The following VWA3A variants were observed in gnomAD, a reference collection of about 807,000 sequenced individuals.
The protein encoded by VWA3A is von Willebrand factor A domain containing 3A, also known as von Willebrand factor A domain-containing protein 3A.
VWA3A carries 134 observed loss-of-function variants against 160.4 expected under a neutral mutation model. The ratio of observed to expected loss-of-function variants is 0.84; its 90% confidence interval spans 0.73 to 0.96. The LOEUF (loss-of-function observed/expected upper bound fraction) is 0.96. Ranked by LOEUF, VWA3A falls within the 40% of genes least tolerant of loss-of-function variation. The pLI is 0.00. For missense variants in VWA3A, 1,310 were observed against 1,447.9 expected (o/e 0.90, Z 1.55); for synonymous variants, 476 against 543.4 (o/e 0.88, Z 1.72).
chr16:22,122,387 G>A (rs979648527), intron 14 of VWA3A, among the ~76,000 whole-genome samples: 1 of 151,480 alleles, frequency 6.6e-6, no homozygotes, highest in Admixed American at 6.6e-5. Flanking sequence ...GAAAATGGAA[G>A]GATAGATGAC....
chr16:22,130,898 A>G (rs1255019785), intron 17 of VWA3A, among the ~76,000 whole-genome samples: 1 of 151,418 alleles, frequency 6.6e-6, no homozygotes. Context: ...TATAGTATGG[A>G]TAGGGAGGGG....
intron 6 of VWA3A, among the ~76,000 whole-genome samples, chr16:22,105,717 A>G (rs950411495): frequency 1.3e-5 from 2 of 152,226 alleles, no homozygotes; most frequent in Admixed American, 6.5e-5. Flanking sequence ...TATGGAATAA[A>G]TGTCTAGAAC....
intron 1 of VWA3A, among the ~76,000 whole-genome samples, chr16:22,093,989 ACT>A (rs1901440936): frequency 6.7e-6 from 1 of 149,286 alleles, no homozygotes; most frequent in Non-Finnish European, 1.5e-5. Context: ...TGGCTAGGCT[ACT>A]CTCAAACTCC....
Position 22,122,968 on chromosome 16 carries a change from C to T in VWA3A, c.1357-117C>T, listed in dbSNP as rs553121887. 3.6e-5 allele frequency: 29 copies of T among 803,184 alleles called. No homozygotes were observed. The Middle Eastern group carries it at 9.1e-4, about 25-fold the overall frequency. The allele number at this position is 803,184 out of a possible 1,614,324, so 49.8% of individuals were successfully genotyped here. On this transcript the variant is annotated intron_variant, in intron 14 of 33. Transcript: ENST00000389398. ...TGTGGGAGGGAGTTCGATCCGACCT[C>T]AAATGTGTTCAGAGTCCACTTCACT...
intron 22 of VWA3A, among the ~76,000 whole-genome samples, 193 bp from the exon 23 acceptor site, chr16:22,139,961 A>AT (rs769996114): frequency 1.3e-5 from 2 of 152,102 alleles, no homozygotes; most frequent in Non-Finnish European, 2.9e-5. Context: ...GTACACACCC[A>AT]TACTTTTTCA....
At chr16:22,148,976 G>A (rs546528631) in intron 28 of VWA3A, among the ~76,000 whole-genome samples, 2 of 152,182 alleles carry the variant, frequency 1.3e-5, no homozygotes, top group East Asian at 3.9e-4. Flanking sequence ...ATCCAGAAGG[G>A]TTGACCCGAA....
intron 30 of VWA3A, among the ~76,000 whole-genome samples, chr16:22,151,660 C>T (rs1253681607): frequency 2.6e-5 from 4 of 151,866 alleles, no homozygotes; most frequent in Admixed American, 6.6e-5. Flanking sequence ...TCACTTGAGG[C>T]CAGGAGTTCG....
chr16:22,121,464 C>A, intron 13 of VWA3A, 50 bp from the exon 14 acceptor site: 2 of 1,434,686 alleles, frequency 1.4e-6, no homozygotes, highest in Non-Finnish European at 2.0e-6. Flanking sequence ...AAGGCTTGAA[C>A]CCTTTGGAGC....
chr16:22,116,728 G>T (rs1416768027), intron 9 of VWA3A, 31 bp from the exon 10 acceptor site: 3 of 1,555,550 alleles, frequency 1.9e-6, no homozygotes, highest in Non-Finnish European at 2.7e-6. Flanking sequence ...TCTGACCTGG[G>T]ATTTCCACTT....
At position 22,134,444 on chromosome 16, in the gene VWA3A, C is replaced by A; in HGVS notation, c.2139+6C>A. 6.3e-7 allele frequency: 1 copy of A among 1,584,134 alleles called. No individual in the cohort carries two copies. The highest frequency in any genetic ancestry group is 1.2e-5 in the South Asian group (1 of 86,412). On this transcript the variant is annotated splice_donor_region_variant and intron_variant, in intron 21 of 33. Coordinates refer to ENST00000389398, the MANE Select transcript of VWA3A (RefSeq NM_173615.5). The stretch of plus-strand genomic sequence containing the variant: ...CTCTCAACTACTCCCAAAAGGTATG[C>A]CCTGGGCATGGGCCAATGACTGCAC...
At position 22,113,363 on chromosome 16, in the gene VWA3A, C is replaced by CTTTTTTTTTTTTTTTTTTTTTTTTT. The variant is rs569069206; in HGVS notation, c.690-1975_690-1951dup. ...TGCTCCACAATGCCTGGCTAATTTT[C>CTTTTTTTTTTTTTTTTTTTTTTTTT]TTTTTTTTTTTTTTTTTTTTTTTTT... On this transcript the variant is annotated intron_variant, in intron 8 of 33. Transcript: ENST00000389398. Among the ~76,000 whole-genome samples the CTTTTTTTTTTTTTTTTTTTTTTTTT allele has an allele frequency of 4.3e-4, 20 of 46,260 alleles. 3 individuals carry two copies. Among genetic ancestry groups the CTTTTTTTTTTTTTTTTTTTTTTTTT allele is most frequent in the East Asian group, 2.5e-3 (2 of 794 alleles). 30.3% of individuals were successfully genotyped at this position (46,260 alleles called of 152,430 possible).
Position 22,121,590 on chromosome 16 carries a change from GA to G in VWA3A, c.1333del (p.Thr445GlnfsTer11). The part of the protein sequence containing the change: ...PVEEFVPILQ[K>X]TVSSTIHEKA... Reference sequence around the variant, plus strand: ...TGGAGGAATTTGTACCTATTCTCCAGAAAACAGTATCATCGACCATCCATGA... The same window carrying G: ...TGGAGGAATTTGTACCTATTCTCCAGAAACAGTATCATCGACCATCCATGA... On this transcript the variant is annotated frameshift_variant, in exon 14 of 34. Transcript: ENST00000389398. LOFTEE classifies it high-confidence loss of function. 6.2e-7 allele frequency: 1 copy of G among 1,613,328 alleles called. No homozygotes were observed.
At chr16:22,136,162 A>T (rs898848427) in intron 21 of VWA3A, among the ~76,000 whole-genome samples, 1 of 152,174 alleles carries the variant, frequency 6.6e-6, no homozygotes. Flanking sequence ...ACAATGAGAG[A>T]GGTAGCTAGG....
Position 22,125,379 on chromosome 16 carries a change from G to A in VWA3A, c.1533-799G>A, listed in dbSNP as rs191608691. Among the ~76,000 whole-genome samples, 28 of 151,056 alleles carry A rather than the reference G, an allele frequency of 1.9e-4. No individual in the cohort carries two copies. The East Asian group carries it at 3.7e-3, about 20-fold the overall frequency. On this transcript the variant is annotated intron_variant, in intron 16 of 33. Coordinates refer to ENST00000389398, the MANE Select transcript of VWA3A (RefSeq NM_173615.5). Reference sequence around the variant, plus strand: ...CCAGCCTGGGCAACAGAGAGAGACCGTCTAAATATATATATATTTGTTGTG... The same window carrying A: ...CCAGCCTGGGCAACAGAGAGAGACCATCTAAATATATATATATTTGTTGTG...
chr16:22,096,800 C>T, intron 1 of VWA3A, 59 bp from the exon 2 acceptor site: 1 of 1,164,438 alleles, frequency 8.6e-7, no homozygotes, highest in Non-Finnish European at 1.2e-6. Flanking sequence ...AGATACCCCC[C>T]AAAACTATTG....
intron 31 of VWA3A, among the ~76,000 whole-genome samples, chr16:22,153,913 A>AT (rs979210684): frequency 1.1e-4 from 16 of 151,208 alleles, no homozygotes; most frequent in Non-Finnish European, 1.8e-4. Flanking sequence ...AATTTCTTTA[A>AT]TTTTTTGTAG....
At chr16:22,129,512 T>C (rs1315779784) in intron 17 of VWA3A, among the ~76,000 whole-genome samples, 1 of 151,938 alleles carries the variant, frequency 6.6e-6, no homozygotes, top group Non-Finnish European at 1.5e-5. Context: ...GAAGAGAAGA[T>C]GATGTCCCAA....
chr16:22,119,106 A>G, intron 12 of VWA3A, 79 bp downstream of exon 12: 1 of 1,347,046 alleles, frequency 7.4e-7, no homozygotes. Context: ...TCACCTGTTC[A>G]TAGGGGGCAC....
chr16:22,102,668 A>G (rs929978502), intron 5 of VWA3A, among the ~76,000 whole-genome samples: 2 of 152,180 alleles, frequency 1.3e-5, no homozygotes, highest in Non-Finnish European at 2.9e-5. Flanking sequence ...TTGTTAATCA[A>G]TCCAGTAGAA....
Sources: allele counts gnomAD v4.1 joint callset (sites outside exome capture counted in the v4.1 genomes callset), GRCh38; gene constraint gnomAD v4.1.1; transcripts MANE v1.5; gene names NCBI Gene and HGNC (gene_info 2026-07-23, HGNC 2026-07-21).